ACVR1: variants seen among roughly 807,000 people sequenced by gnomAD.
ACVR1 encodes activin receptor type-1.
In ACVR1, 38 loss-of-function variants were observed where a neutral mutation model predicts 57.1. The observed-to-expected ratio is 0.67, with a 90% CI of 0.51 to 0.87. The LOEUF (loss-of-function observed/expected upper bound fraction) is 0.87. Ranked by LOEUF, ACVR1 falls within the 40% of genes least tolerant of loss-of-function variation. ACVR1 has a pLI of 0.00. For synonymous variants in ACVR1, 212 were observed against 228.1 expected (o/e 0.93, Z 0.63); for missense variants, 463 against 638.2 (o/e 0.73, Z 2.96).
chr2:157,872,007 G>A lies in ACVR1; in HGVS notation c.-183+3789C>T, dbSNP rs552094566. 1.8e-3 allele frequency among the ~76,000 whole-genome samples: 267 copies of A among 152,234 alleles called. 3 individuals are homozygous for A. The highest frequency in any genetic ancestry group is 8.1e-3 in the South Asian group (39 of 4,820). On this transcript the variant is annotated intron_variant, in intron 1 of 10. Transcript: ENST00000434821. ...AACTTCTGATTCTTAAACTTAACAT[G>A]GCAAGCAAGAGCATTCTATGGCCAA...
chr2:157,826,817 A>AAGGGGAG lies in ACVR1; in HGVS notation c.-182-8265_-182-8259dup, dbSNP rs200304076. 2.9e-5 allele frequency among the ~76,000 whole-genome samples: 4 copies of AAGGGGAG among 139,382 alleles called. 1 individual carries two copies. Among genetic ancestry groups the AAGGGGAG allele is most frequent in the Non-Finnish European group, 3.1e-5 (2 of 63,808 alleles). 91.4% of individuals were successfully genotyped at this position (139,382 alleles called of 152,430 possible). Reference sequence around the variant, plus strand: ...GAAAGGGAAAAGGAAAAGGAAAGGAAAGGGGAGAGGGGAGAGGGGAGAGGG... The same window carrying AAGGGGAG: ...GAAAGGGAAAAGGAAAAGGAAAGGAAAGGGGAGAGGGGAGAGGGGAGAGGGGAGAGGG... On this transcript the variant is annotated intron_variant, in intron 1 of 10. Coordinates refer to ENST00000434821, the MANE Select transcript of ACVR1 (RefSeq NM_001111067.4).
chr2:157,873,188 C>T (rs1345242154), intron 1 of ACVR1, among the ~76,000 whole-genome samples: 1 of 152,172 alleles, frequency 6.6e-6, no homozygotes, highest in Non-Finnish European at 1.5e-5. Flanking sequence ...TGAACTTTGA[C>T]AATCACTGGC....
At chr2:157,812,489 G>T (rs954114951) in intron 2 of ACVR1, among the ~76,000 whole-genome samples, 1 of 151,688 alleles carries the variant, frequency 6.6e-6, no homozygotes, top group African/African-American at 2.4e-5. Context: ...GGCCTGCATG[G>T]TGATCACAAA....
intron 3 of ACVR1, among the ~76,000 whole-genome samples, chr2:157,787,700 C>T (rs576209430): frequency 4.7e-4 from 71 of 152,136 alleles, no homozygotes; most frequent in South Asian, 4.6e-3. Flanking sequence ...TCGTTGTTTC[C>T]CCCACCTCCT....
intron 9 of ACVR1, among the ~76,000 whole-genome samples, chr2:157,740,834 G>C (rs139299580): frequency 6.6e-6 from 1 of 152,162 alleles, no homozygotes; most frequent in South Asian, 2.1e-4. Context: ...AATAAAAGGA[G>C]TCAAGTATTT....
intron 1 of ACVR1, among the ~76,000 whole-genome samples, chr2:157,858,122 C>T (rs1689597379): frequency 6.6e-6 from 1 of 152,062 alleles, no homozygotes; most frequent in South Asian, 2.1e-4. Flanking sequence ...GCTAAACTTA[C>T]GAACACTACT....
chr2:157,801,270 AT>A (rs1239896173), intron 2 of ACVR1, among the ~76,000 whole-genome samples: 1 of 152,164 alleles, frequency 6.6e-6, no homozygotes, highest in African/African-American at 2.4e-5. Flanking sequence ...CGTGGACATG[AT>A]TTATTTACAG....
At chr2:157,803,972 C>T (rs982634664) in intron 2 of ACVR1, among the ~76,000 whole-genome samples, 2 of 151,854 alleles carry the variant, frequency 1.3e-5, no homozygotes, top group Admixed American at 1.3e-4. Context: ...AGAAAAGTGG[C>T]ATTGTTTTCC....
intron 1 of ACVR1, among the ~76,000 whole-genome samples, chr2:157,828,290 T>A (rs1688460126): frequency 6.6e-6 from 1 of 151,302 alleles, no homozygotes; most frequent in Non-Finnish European, 1.5e-5. Flanking sequence ...TCTACAAAAA[T>A]ACAAAAAAAA....
chr2:157,817,267 G>C (rs1687972992), intron 2 of ACVR1, among the ~76,000 whole-genome samples: 1 of 152,156 alleles, frequency 6.6e-6, no homozygotes, highest in South Asian at 2.1e-4. Context: ...CTGGCTCAAG[G>C]CTTCTTTATG....
At chr2:157,792,811 C>T (rs1686969274) in intron 3 of ACVR1, among the ~76,000 whole-genome samples, 1 of 152,216 alleles carries the variant, frequency 6.6e-6, no homozygotes, top group Non-Finnish European at 1.5e-5. Context: ...TGGGCACTAT[C>T]TATGCAGTGG....
intron 3 of ACVR1, among the ~76,000 whole-genome samples, chr2:157,781,647 G>T (rs1159030154): frequency 1.3e-5 from 2 of 152,220 alleles, no homozygotes; most frequent in Non-Finnish European, 2.9e-5. Context: ...GGGAGTTCAA[G>T]GTGCAATGGA....
intron 9 of ACVR1, among the ~76,000 whole-genome samples, chr2:157,756,131 G>C (rs1270917348): frequency 6.6e-6 from 1 of 152,050 alleles, no homozygotes; most frequent in Non-Finnish European, 1.5e-5. Flanking sequence ...AATGAAACTG[G>C]ATCCTCATCC....
At chr2:157,799,535 T>C in intron 2 of ACVR1, 35 bp from the exon 3 acceptor site, 3 of 1,521,098 alleles carry the variant, frequency 2.0e-6, no homozygotes, top group Non-Finnish European at 2.7e-6. Context: ...AAGTAAAGCA[T>C]AAATATCTAA....
chr2:157,765,760 T>G lies in ACVR1; in HGVS notation c.1066+161A>C, dbSNP rs56373745. On this transcript the variant is annotated intron_variant, in intron 8 of 10. Coordinates refer to ENST00000434821, the MANE Select transcript of ACVR1 (RefSeq NM_001111067.4). ...GCTTAAGGATAGTAAAATGTTAATG[T>G]GAGAATCTATGTGGTGGGTATAAAG... 2.7e-3 allele frequency among the ~76,000 whole-genome samples: 415 copies of G among 152,316 alleles called. 11 individuals carry two copies. The East Asian group carries it at 0.066, about 24-fold the overall frequency.
chr2:157,820,847 T>C (rs1363804605), intron 1 of ACVR1, among the ~76,000 whole-genome samples: 1 of 152,252 alleles, frequency 6.6e-6, no homozygotes, highest in African/African-American at 2.4e-5. Flanking sequence ...AGATCACATA[T>C]TATTCTTCAC....
chr2:157,808,546 C>A (rs893436436), intron 2 of ACVR1, among the ~76,000 whole-genome samples: 2 of 152,142 alleles, frequency 1.3e-5, no homozygotes, highest in African/African-American at 2.4e-5. Flanking sequence ...GCTGGCAGAC[C>A]TTGGGTGTAC....
chr2:157,766,307 A>C lies in ACVR1; in HGVS notation c.791-111T>G. 3.6e-6 allele frequency: 4 copies of C among 1,104,148 alleles called. No individual in the cohort carries two copies. In the South Asian group the frequency reaches 5.3e-5, roughly 15 times the overall value. 68.4% of individuals were successfully genotyped at this position (1,104,148 alleles called of 1,614,324 possible). A position where few individuals can be genotyped will look rare whatever the true frequency, so the allele number is the denominator to read the frequency against. On this transcript the variant is annotated intron_variant, in intron 7 of 10. Coordinates refer to ENST00000434821, the MANE Select transcript of ACVR1 (RefSeq NM_001111067.4). Reference sequence around the variant, plus strand: ...ATGTCATCTGTAACAAAAAGTAATTAAACTGACCAATTGCCCTAAGAGGAG... The same window carrying C: ...ATGTCATCTGTAACAAAAAGTAATTCAACTGACCAATTGCCCTAAGAGGAG...
intron 1 of ACVR1, among the ~76,000 whole-genome samples, chr2:157,829,502 A>G (rs367548718): frequency 5.3e-5 from 8 of 152,100 alleles, no homozygotes; most frequent in African/African-American, 9.7e-5. Flanking sequence ...AAAGCCATCA[A>G]TGGTTCTCCT....
Sources: allele counts gnomAD v4.1 joint callset (sites outside exome capture counted in the v4.1 genomes callset), GRCh38; gene constraint gnomAD v4.1.1; transcripts MANE v1.5; gene names NCBI Gene and HGNC (gene_info 2026-07-23, HGNC 2026-07-21).